The following DGKB variants were observed in gnomAD, a reference collection of about 807,000 sequenced individuals.
The protein encoded by DGKB is diacylglycerol kinase beta, also known as 90 kDa diacylglycerol kinase.
DGKB carries 67 observed loss-of-function variants against 114.3 expected under a neutral mutation model. That is an observed-to-expected ratio of 0.59 (90% CI 0.48 to 0.72). DGKB has a LOEUF of 0.72. DGKB is among the 30% of genes least tolerant of loss of function. The pLI, the probability that DGKB is intolerant of heterozygous loss-of-function variation, is 0.00. For missense variants in DGKB, 907 were observed against 975.2 expected, an observed-to-expected ratio of 0.93 and a Z score of 0.93; for synonymous variants, 398 against 323.1, an observed-to-expected ratio of 1.23 and a Z score of -2.49.
intron 1 of DGKB, among the ~76,000 whole-genome samples, chr7:14,888,024 A>T (rs1562819038): frequency 6.6e-6 from 1 of 151,720 alleles, no homozygotes; most frequent in Non-Finnish European, 1.5e-5. Flanking sequence ...TGGCTGCTTG[A>T]ATAAGTAGAA....
chr7:14,945,252 T>C (rs184339522), intron 1 of DGKB, among the ~76,000 whole-genome samples: 1 of 151,928 alleles, frequency 6.6e-6, no homozygotes, highest in Admixed American at 6.6e-5. Context: ...TATTATATAA[T>C]TGTGTTTACA....
In DGKB at chr7:14,587,071, T is replaced by C. The variant is rs149645579; in HGVS notation, c.1434-3934A>G. On this transcript the variant is annotated intron_variant, in intron 17 of 25. Transcript: ENST00000402815. ...GGCTATAGGTGCCACAGACAGTGAT[T>C]CATTTTGGGGATCTGGGCAAAGTTA... is the stretch of plus-strand genomic sequence containing the variant. Among the ~76,000 whole-genome samples, 736 of 152,278 alleles carry C rather than the reference T, an allele frequency of 4.8e-3. 3 individuals carry two copies. Among genetic ancestry groups the C allele is most frequent in the Non-Finnish European group, 8.1e-3 (548 of 68,018 alleles).
At chr7:14,489,431 C>T (rs374375450) in intron 20 of DGKB, among the ~76,000 whole-genome samples, 131 of 152,150 alleles carry the variant, frequency 8.6e-4, no homozygotes, top group African/African-American at 3.0e-3. Context: ...AGATATCTTT[C>T]TCAGTTAAGG....
At chr7:14,963,204 G>T (rs36916) in intron 1 of DGKB, among the ~76,000 whole-genome samples, 80,817 of 151,908 alleles carry the variant, frequency 0.53, 23,515 homozygotes, top group East Asian at 0.84. Flanking sequence ...CTCTTCTGTG[G>T]CCAAGAGGGG....
intron 1 of DGKB, among the ~76,000 whole-genome samples, chr7:14,876,702 T>C (rs1173954725): frequency 6.6e-6 from 1 of 152,186 alleles, no homozygotes; most frequent in East Asian, 1.9e-4. Context: ...ACAACTGATG[T>C]TGAGACTCAA....
chr7:14,660,239 T>A lies in DGKB; in HGVS notation c.1134+12690A>T, dbSNP rs571504205. On this transcript the variant is annotated intron_variant, in intron 13 of 25. Transcript: ENST00000402815. ...CCCGGCTTTGGTATCAGGATGATGC[T>A]GGCCTCATCAAATGAGTTAGGGAGG... Among the ~76,000 whole-genome samples the A allele has an allele frequency of 6.8e-3, 1,034 of 152,148 alleles. 8 individuals are homozygous for A. Among genetic ancestry groups the A allele is most frequent in the African/African-American group, 0.023 (973 of 41,534 alleles).
intron 13 of DGKB, among the ~76,000 whole-genome samples, chr7:14,645,072 G>A (rs1261798165): frequency 6.6e-6 from 1 of 152,052 alleles, no homozygotes; most frequent in African/African-American, 2.4e-5. Flanking sequence ...GGTTCCTTCT[G>A]AATGATGCCT....
chr7:14,529,119 T>C (rs866656021), intron 20 of DGKB, among the ~76,000 whole-genome samples: 21 of 152,128 alleles, frequency 1.4e-4, no homozygotes, highest in African/African-American at 5.1e-4. Context: ...TTACAATGAT[T>C]CTGAAACACA....
chr7:14,288,018 G>A (rs954713656), intron 23 of DGKB, among the ~76,000 whole-genome samples: 3 of 152,002 alleles, frequency 2.0e-5, no homozygotes, highest in Admixed American at 2.0e-4. Context: ...GATGCTTCAG[G>A]AATAGTGCAA....
At chr7:14,485,869 T>C (rs1187188378) in intron 20 of DGKB, among the ~76,000 whole-genome samples, 3 of 134,740 alleles carry the variant, frequency 2.2e-5, no homozygotes, top group African/African-American at 8.4e-5. Context: ...CTGGCCTGGG[T>C]AACAAGAATA....
chr7:14,477,685 TA>T (rs1289599339), intron 21 of DGKB, among the ~76,000 whole-genome samples: 1 of 152,168 alleles, frequency 6.6e-6, no homozygotes, highest in Non-Finnish European at 1.5e-5. Flanking sequence ...GAAATGTCTC[TA>T]AAAATAATTT....
intron 23 of DGKB, among the ~76,000 whole-genome samples, chr7:14,186,028 T>C (rs1333089471): frequency 6.6e-6 from 1 of 152,152 alleles, no homozygotes; most frequent in Non-Finnish European, 1.5e-5. Flanking sequence ...GGGACCTAAT[T>C]AAACTAAAGA....
intron 1 of DGKB, among the ~76,000 whole-genome samples, chr7:14,909,728 C>A (rs560177680): frequency 2.0e-5 from 3 of 152,118 alleles, no homozygotes; most frequent in South Asian, 2.1e-4. Flanking sequence ...ATTCAGAAAC[C>A]ATATTTGTCT....
At chr7:14,403,651 G>A (rs1250725813) in intron 21 of DGKB, among the ~76,000 whole-genome samples, 4 of 152,042 alleles carry the variant, frequency 2.6e-5, no homozygotes, top group East Asian at 3.9e-4. Context: ...GTGTCCCATT[G>A]TATCCATTAG....
intron 1 of DGKB, among the ~76,000 whole-genome samples, chr7:14,878,357 A>G (rs1853634490): frequency 6.6e-6 from 1 of 152,214 alleles, no homozygotes; most frequent in African/African-American, 2.4e-5. Flanking sequence ...GACTGTCAGC[A>G]GCCAGAGCAC....
At chr7:14,451,524 T>G (rs893105986) in intron 21 of DGKB, among the ~76,000 whole-genome samples, 8 of 147,950 alleles carry the variant, frequency 5.4e-5, no homozygotes, top group Admixed American at 3.4e-4. Flanking sequence ...AGCCAATTCC[T>G]TATAATAAAT....
intron 21 of DGKB, among the ~76,000 whole-genome samples, chr7:14,376,940 G>C (rs984449169): frequency 6.6e-6 from 1 of 152,168 alleles, no homozygotes; most frequent in Non-Finnish European, 1.5e-5. Context: ...AAAGCCAGGG[G>C]CAAGTTTTTC....
At chr7:14,162,498 TTTAA>T (rs1784053693) in intron 25 of DGKB, among the ~76,000 whole-genome samples, 1 of 152,210 alleles carries the variant, frequency 6.6e-6, no homozygotes, top group South Asian at 2.1e-4. Context: ...ATATTTCTCA[TTTAA>T]TTTTTAACCT....
At position 14,609,289 on chromosome 7, in the gene DGKB, C is replaced by T. The variant is rs145022661; in HGVS notation, c.1359-1781G>A. On this transcript the variant is annotated intron_variant, in intron 16 of 25. Coordinates refer to ENST00000402815, the MANE Select transcript of DGKB (RefSeq NM_001350709.2). ...AAGGCCAACAAATACAAAACAATAG[C>T]GAAAGGACTTCCTATTCAATACATG... 4.0e-4 allele frequency among the ~76,000 whole-genome samples: 61 copies of T among 152,004 alleles called. No homozygotes were observed. In the East Asian group the frequency reaches 8.5e-3, roughly 21 times the overall value.
Sources: gnomAD v4.1 joint callset for allele counts (sites outside exome capture counted in the v4.1 genomes callset) on GRCh38, gnomAD v4.1.1 for gene constraint, MANE v1.5 for transcripts, NCBI Gene and HGNC (gene_info 2026-07-23, HGNC 2026-07-21) for gene names.